The following LRRC9 variants were observed in gnomAD, a reference collection of about 807,000 sequenced individuals.
LRRC9 encodes the protein leucine-rich repeat-containing protein 9.
LRRC9 carries 122 observed loss-of-function variants against 63.2 expected under a neutral mutation model. That is an observed-to-expected ratio of 1.93 (90% CI 1.67 to 2.24). LRRC9 has a LOEUF of 2.24. Among genes scored for constraint, LRRC9 ranks in the 30% most tolerant of loss-of-function variants. The pLI is 0.00. For missense variants in LRRC9, 1,071 were observed against 627.7 expected (o/e 1.71, Z -7.55); for synonymous variants, 366 against 213.1 (o/e 1.72, Z -6.25).
intron 29 of LRRC9, among the ~76,000 whole-genome samples, chr14:60,040,453 G>T (rs1044467947): frequency 2.0e-5 from 3 of 151,926 alleles, no homozygotes; most frequent in Non-Finnish European, 4.4e-5. Context: ...CCTGTATTGG[G>T]TGCATATATA....
At chr14:60,063,442 T>TAA (rs60032242) in exon 32 of LRRC9, 275 of 590,532 alleles carry the variant, frequency 4.7e-4, no homozygotes, top group Middle Eastern at 8.5e-4. Flanking sequence ...AGTGGTCAGT[T>TAA]AAAAAAAAAA....
rs1447209073 is a variant in LRRC9, at chr14:59,990,867, C to A, written c.2211+5643C>A. The stretch of plus-strand genomic sequence containing the variant: ...CTGTTTTCAGGTCCATCAGATGCTG[C>A]CCTGACACTTCCTTCTTCTCCCACA... On this transcript the variant is annotated intron_variant, in intron 17 of 31. Transcript: ENST00000445360. The surrounding 1 kb of genome is among the most constrained non-coding windows in gnomAD (Gnocchi z 4.2). Among the ~76,000 whole-genome samples, 1 of 152,206 alleles carries A rather than the reference C, an allele frequency of 6.6e-6. No homozygotes were observed. The highest frequency in any genetic ancestry group is 1.5e-5 in the Non-Finnish European group (1 of 68,032).
chr14:59,980,397 A>G (rs897400696), intron 15 of LRRC9, among the ~76,000 whole-genome samples: 1 of 152,134 alleles, frequency 6.6e-6, no homozygotes, highest in Non-Finnish European at 1.5e-5. Flanking sequence ...TACAAACTTC[A>G]TATATCTTGA....
intron 15 of LRRC9, among the ~76,000 whole-genome samples, chr14:59,980,490 C>T (rs577470438): frequency 6.6e-6 from 1 of 152,062 alleles, no homozygotes; most frequent in East Asian, 1.9e-4. Context: ...GTATCTTTTT[C>T]CAAATAAAAT....
intron 6 of LRRC9, among the ~76,000 whole-genome samples, chr14:59,933,773 G>A (rs1316053369): frequency 6.6e-6 from 1 of 152,138 alleles, no homozygotes; most frequent in African/African-American, 2.4e-5. Context: ...CTGGGTAGCA[G>A]GGCGTGGGCA....
chr14:59,984,252 C>G (rs534111106), intron 16 of LRRC9, among the ~76,000 whole-genome samples: 2 of 152,252 alleles, frequency 1.3e-5, no homozygotes, highest in East Asian at 3.9e-4. Context: ...ACAATTTTAG[C>G]TAATTTTGAC....
At chr14:59,961,389 T>G (rs1566818248) in intron 10 of LRRC9, among the ~76,000 whole-genome samples, 1 of 152,216 alleles carries the variant, frequency 6.6e-6, no homozygotes, top group Non-Finnish European at 1.5e-5. Flanking sequence ...TTATACTGTT[T>G]GTTTCCTGAC....
At chr14:60,038,197 C>G (rs375980226) in intron 29 of LRRC9, among the ~76,000 whole-genome samples, 1 of 152,014 alleles carries the variant, frequency 6.6e-6, no homozygotes, top group East Asian at 1.9e-4. Context: ...AGTCAGGTAG[C>G]GTGATGCCTC....
At chr14:59,973,244 T>C (rs1885727118) in intron 12 of LRRC9, among the ~76,000 whole-genome samples, 1 of 152,132 alleles carries the variant, frequency 6.6e-6, no homozygotes, top group Non-Finnish European at 1.5e-5. Flanking sequence ...TATATCTTAT[T>C]TGACACATCT....
At position 60,031,092 on chromosome 14, in the gene LRRC9, G is replaced by C. The variant is rs181009390; in HGVS notation, c.3922-903G>C. On this transcript the variant is annotated intron_variant, in intron 28 of 31. Transcript: ENST00000445360. This position sits in a 1 kb window ranked among gnomAD's most constrained non-coding sequence, Gnocchi z 4.6. Reference sequence around the variant, plus strand: ...TCGCATGTCCATGATTACTGATCAGGCTTTGGTTCCACAGATAGAAACTGC... The same window carrying C: ...TCGCATGTCCATGATTACTGATCAGCCTTTGGTTCCACAGATAGAAACTGC... 6.6e-6 allele frequency among the ~76,000 whole-genome samples: 1 copy of C among 152,088 alleles called. No individual in the cohort carries two copies. The highest frequency in any genetic ancestry group is 2.1e-4 in the South Asian group (1 of 4,826).
At chr14:60,046,833 A>G (rs1893471618) in intron 29 of LRRC9, among the ~76,000 whole-genome samples, 1 of 152,202 alleles carries the variant, frequency 6.6e-6, no homozygotes, top group Non-Finnish European at 1.5e-5. Flanking sequence ...CACTGCATCA[A>G]TAAATTACTT....
chr14:59,955,003 G>T (rs987466173), intron 8 of LRRC9, among the ~76,000 whole-genome samples: 1 of 152,062 alleles, frequency 6.6e-6, no homozygotes, highest in Non-Finnish European at 1.5e-5. Context: ...TGACTTGATC[G>T]TGGTGGATAA....
In LRRC9 at chr14:60,003,534, A is replaced by G. The variant is rs1889562786; in HGVS notation, c.2665-87A>G. On this transcript the variant is annotated intron_variant, in intron 20 of 31. Transcript: ENST00000445360. This position sits in a 1 kb window ranked among gnomAD's most constrained non-coding sequence, Gnocchi z 4.2. ...TTTGATATCTATTTATCACATTTGA[A>G]TTATTTCATTAGCTTTTTAAAATGT... The G allele has an allele frequency of 1.8e-6, 1 of 559,048 alleles. No homozygotes were observed. Among genetic ancestry groups the G allele is most frequent in the Non-Finnish European group, 3.1e-6 (1 of 319,428 alleles). 34.6% of individuals were successfully genotyped at this position (559,048 alleles called of 1,614,324 possible).
chr14:59,928,600 C>G (rs1354614011), intron 3 of LRRC9, 114 bp downstream of exon 3: 12 of 418,362 alleles, frequency 2.9e-5, no homozygotes, highest in Non-Finnish European at 4.6e-5. Context: ...GATAAATGAA[C>G]AAAGGCTAGA....
At chr14:59,980,933 G>T (rs896428427) in intron 15 of LRRC9, among the ~76,000 whole-genome samples, 1 of 152,070 alleles carries the variant, frequency 6.6e-6, no homozygotes, top group Admixed American at 6.6e-5. Context: ...GAGCTCTTTT[G>T]ATGTGATGAT....
At chr14:59,993,620 C>A (rs1888415168) in intron 17 of LRRC9, among the ~76,000 whole-genome samples, 1 of 152,112 alleles carries the variant, frequency 6.6e-6, no homozygotes. Context: ...GGAGGAAGAT[C>A]TACCAAGCAA....
intron 7 of LRRC9, among the ~76,000 whole-genome samples, chr14:59,943,806 TAAGAA>T (rs1882047549): frequency 6.6e-6 from 1 of 152,050 alleles, no homozygotes; most frequent in African/African-American, 2.4e-5. Flanking sequence ...GTAAATTTCA[TAAGAA>T]AAGACTGCAT....
intron 16 of LRRC9, among the ~76,000 whole-genome samples, chr14:59,983,745 G>A (rs994486083): frequency 6.6e-6 from 1 of 152,136 alleles, no homozygotes; most frequent in Middle Eastern, 3.2e-3. Flanking sequence ...GTATGAGGTT[G>A]TAGCCAAATT....
intron 28 of LRRC9, among the ~76,000 whole-genome samples, chr14:60,029,084 C>A (rs530949386): frequency 3.9e-5 from 6 of 152,112 alleles, no homozygotes; most frequent in Admixed American, 3.3e-4. Flanking sequence ...GAAAAGCCTG[C>A]CAAAACTGGG....
Sources: gnomAD v4.1 joint callset for allele counts (sites outside exome capture counted in the v4.1 genomes callset) on GRCh38, gnomAD v4.1.1 for gene constraint, Gnocchi (gnomAD v3.1) non-coding constraint, MANE v1.5 for transcripts, NCBI Gene and HGNC (gene_info 2026-07-23, HGNC 2026-07-21) for gene names.